Variants in MLXIP observed in about 807,000 individuals in gnomAD.
The protein encoded by MLXIP is MLX interacting protein, also known as MLX-interacting protein.
A neutral mutation model predicts 87.2 loss-of-function variants in MLXIP; 30 were observed. That is an observed-to-expected ratio of 0.34 (90% confidence interval 0.26 to 0.47). MLXIP has a LOEUF of 0.47. MLXIP is among the 20% of genes least tolerant of loss of function. The probability of loss-of-function intolerance (pLI) is 1.00; values close to 1 mark genes in which losing one functional copy is unlikely to be tolerated. For synonymous variants in MLXIP, 530 were observed against 514.0 expected, an observed-to-expected ratio of 1.03 and a Z score of -0.42; for missense variants, 1,002 against 1,240.1, an observed-to-expected ratio of 0.81 and a Z score of 2.88.
At chr12:122,119,602 A>G (rs1257669130) in intron 1 of MLXIP, among the ~76,000 whole-genome samples, 1 of 152,186 alleles carries the variant, frequency 6.6e-6, no homozygotes, top group Non-Finnish European at 1.5e-5. Flanking sequence ...CGTGTTAGCC[A>G]GGATGGTCTC....
intron 7 of MLXIP, 122 bp downstream of exon 7, chr12:122,131,055 A>C: frequency 3.0e-6 from 2 of 662,842 alleles, no homozygotes; most frequent in Non-Finnish European, 2.7e-6. Context: ...CGAGCAAAGA[A>C]TTTTTTTTTA....
At chr12:122,134,483 C>T (rs2135984177) in intron 9 of MLXIP, 1 of 158,446 alleles carries the variant, frequency 6.3e-6, no homozygotes, top group East Asian at 1.9e-4. Flanking sequence ...TCTCCTGCCT[C>T]AGCCTCCCGA....
intron 1 of MLXIP, among the ~76,000 whole-genome samples, chr12:122,120,396 G>C (rs988839662): frequency 5.3e-5 from 8 of 152,014 alleles, no homozygotes; most frequent in Admixed American, 4.6e-4. Context: ...CTGATTTTCT[G>C]ATTTTTTGTG....
chr12:122,095,232 G>A (rs1952334621), intron 1 of MLXIP, among the ~76,000 whole-genome samples: 1 of 149,974 alleles, frequency 6.7e-6, no homozygotes, highest in African/African-American at 2.5e-5. Flanking sequence ...TTTGTGTGTG[G>A]GATGTGTGGG....
rs548249346 is a variant in MLXIP at position 122,130,038 on chromosome 12, C to T, written c.836C>T (p.Ser279Leu). ...CTGCTGGACACAGACATGCTCATGTCGGAATTCAGCGACACCCTCTTCTCC... is the reference window on the plus strand; with the variant it reads ...CTGCTGGACACAGACATGCTCATGTTGGAATTCAGCGACACCCTCTTCTCC... ...DPLLDTDMLM[S>L]EFSDTLFSTL... Residue 279 changes from serine (S) to leucine (L), a missense_variant, in exon 6 of 17, where the codon TCG becomes TTG. Ser to Leu is a moderately radical substitution (Grantham distance 145). This residue lies in a region of MLXIP where 746 missense variants were observed against 897.0 expected (regional missense o/e 0.83). Transcript: ENST00000319080. The T allele has an allele frequency of 9.3e-6, 15 of 1,613,974 alleles. No individual in the cohort carries two copies. The highest frequency in any genetic ancestry group is 4.4e-5 in the South Asian group (4 of 91,070).
At chr12:122,116,826 G>A (rs1243506752) in intron 1 of MLXIP, among the ~76,000 whole-genome samples, 1 of 152,168 alleles carries the variant, frequency 6.6e-6, no homozygotes, top group Non-Finnish European at 1.5e-5. Flanking sequence ...TGCAGAAGGT[G>A]GGCTGGGCCG....
chr12:122,102,369 C>T (rs542197814), intron 1 of MLXIP, among the ~76,000 whole-genome samples: 8 of 152,216 alleles, frequency 5.3e-5, no homozygotes, highest in South Asian at 2.1e-4. Context: ...TAGGGAAATG[C>T]GCTCAAAACC....
Position 122,129,639 on chromosome 12 carries a change from C to T in MLXIP, c.738+10C>T, listed in dbSNP as rs1323306978. ...CTCCAGCCTGGTCCAGGTGGGTGAG[C>T]CTGGGAGCTCTGAGGACCCCCACTT... On this transcript the variant is annotated intron_variant, in intron 5 of 16. Coordinates refer to ENST00000319080, the MANE Select transcript of MLXIP (RefSeq NM_014938.6). 1.9e-6 allele frequency: 3 copies of T among 1,596,418 alleles called. No individual in the cohort carries two copies. The highest frequency in any genetic ancestry group is 2.6e-6 in the Non-Finnish European group (3 of 1,174,940).
At chr12:122,103,745 C>T (rs1454264739) in intron 1 of MLXIP, among the ~76,000 whole-genome samples, 6 of 146,844 alleles carry the variant, frequency 4.1e-5, no homozygotes, top group South Asian at 2.2e-4. Flanking sequence ...TGGTCAGGCT[C>T]GTCTTGAACT....
At position 122,138,533 on chromosome 12, in the gene MLXIP, A is replaced by C; in HGVS notation, c.2366A>C (p.Glu789Ala). 2 of 1,612,672 alleles carry C rather than the reference A, an allele frequency of 1.2e-6. No homozygotes were observed. The highest frequency in any genetic ancestry group is 1.7e-6 in the Non-Finnish European group (2 of 1,179,500). The change falls in exon 14 of 17, where the codon GAG becomes GCG. Residue 789 changes from glutamate (E) to alanine (A), a missense_variant. By Grantham distance (107) the Glu-to-Ala change is moderately radical. This residue lies in a region of MLXIP where 746 missense variants were observed against 897.0 expected (regional missense o/e 0.83). Coordinates refer to ENST00000319080, the MANE Select transcript of MLXIP (RefSeq NM_014938.6). ...EARRLREEIE[E>A]LNATIISCQQ... is the part of the protein sequence containing the mutation. ...CGGCGGCTGCGGGAGGAGATCGAGG[A>C]GCTCAATGCCACCATCATGTGAGCT...
At chr12:122,092,344 C>T (rs1229646603) in intron 1 of MLXIP, among the ~76,000 whole-genome samples, 1 of 152,160 alleles carries the variant, frequency 6.6e-6, no homozygotes, top group Non-Finnish European at 1.5e-5. Flanking sequence ...AGCAACTCAT[C>T]TGCCATGGCC....
rs941593839 is a variant in MLXIP at position 122,142,719 on chromosome 12, G to C, written c.*907G>C. The C allele has an allele frequency of 2.8e-5, 5 of 177,082 alleles. No individual in the cohort carries two copies. The highest frequency in any genetic ancestry group is 4.8e-5 in the Non-Finnish European group (4 of 83,036). 11.0% of individuals were successfully genotyped at this position (177,082 alleles called of 1,614,324 possible). Reference sequence around the variant, plus strand: ...TAGTGTCTGAAAGATCAGACTCCACGTCCTGCTGTCAGCCTTGTCATCTTG... The same window carrying C: ...TAGTGTCTGAAAGATCAGACTCCACCTCCTGCTGTCAGCCTTGTCATCTTG... On this transcript the variant is annotated 3_prime_UTR_variant, in exon 17 of 17. Coordinates refer to ENST00000319080, the MANE Select transcript of MLXIP (RefSeq NM_014938.6).
At chr12:122,123,058 C>T (rs1226451020) in intron 1 of MLXIP, among the ~76,000 whole-genome samples, 1 of 152,046 alleles carries the variant, frequency 6.6e-6, no homozygotes, top group African/African-American at 2.4e-5. Flanking sequence ...TGGAGGTCTG[C>T]GTAGGAAATG....
chr12:122,091,773 G>T (rs1003016999), intron 1 of MLXIP, among the ~76,000 whole-genome samples: 4 of 152,208 alleles, frequency 2.6e-5, no homozygotes, highest in African/African-American at 9.6e-5. Context: ...GTAGGGAGTA[G>T]TGGAGACTGT....
intron 1 of MLXIP, among the ~76,000 whole-genome samples, chr12:122,081,351 G>T (rs909957083): frequency 6.6e-6 from 1 of 152,200 alleles, no homozygotes; most frequent in Non-Finnish European, 1.5e-5. Context: ...AGGCTGGTTT[G>T]TCCAGTGCTG....
At chr12:122,139,961 A>G (rs1953167634) in intron 15 of MLXIP, among the ~76,000 whole-genome samples, 1 of 152,210 alleles carries the variant, frequency 6.6e-6, no homozygotes, top group Non-Finnish European at 1.5e-5. Flanking sequence ...GGCGTGAGCC[A>G]CCGTGCCCGG....
intron 1 of MLXIP, among the ~76,000 whole-genome samples, chr12:122,108,587 A>G (rs1003121260): frequency 1.3e-5 from 2 of 151,904 alleles, no homozygotes; most frequent in Admixed American, 1.3e-4. Context: ...ACTCCTCCCC[A>G]CCTCTAAATG....
In MLXIP at chr12:122,129,139, C is replaced by T. The variant is rs1952930144; in HGVS notation, c.609C>T (p.Ala203=). The change falls in exon 4 of 17, where the codon GCC becomes GCT. Residue 203 remains alanine (A), a splice_region_variant and synonymous_variant. Coordinates refer to ENST00000319080, the MANE Select transcript of MLXIP (RefSeq NM_014938.6). ...VDVDEHRRPE[A]ITTEGKYWKS... is the part of the protein sequence containing the mutation. ...TCTGCTCTCTGTCCCTGTCCTAGGCCATCACCACGGAAGGGAAGTACTGGA... is the reference window on the plus strand; with the variant it reads ...TCTGCTCTCTGTCCCTGTCCTAGGCTATCACCACGGAAGGGAAGTACTGGA... 1 of 1,607,446 alleles carries T rather than the reference C, an allele frequency of 6.2e-7. No homozygotes were observed. The highest frequency in any genetic ancestry group is 1.1e-5 in the South Asian group (1 of 89,464).
chr12:122,094,564 G>C (rs1220456306), intron 1 of MLXIP, among the ~76,000 whole-genome samples: 28 of 142,170 alleles, frequency 2.0e-4, no homozygotes, highest in Admixed American at 1.8e-3. Context: ...TGTTTGCAGT[G>C]TGTGTTGGTG....
Sources: allele counts gnomAD v4.1 joint callset (sites outside exome capture counted in the v4.1 genomes callset), GRCh38; gene constraint gnomAD v4.1.1; regional missense constraint gnomAD v4.1.1; transcripts MANE v1.5; gene names NCBI Gene and HGNC (gene_info 2026-07-23, HGNC 2026-07-21).